The following SAXO5 variants were observed in gnomAD, a reference collection of about 807,000 sequenced individuals.
SAXO5 encodes the protein testis expressed 45.
At chr19:7,500,395 G>A in the SAXO5 span, among the ~76,000 whole-genome samples, 1 of 152,098 alleles carries the variant, frequency 6.6e-6, no homozygotes, top group Non-Finnish European at 1.5e-5. Flanking sequence ...TCTGCCTCCC[G>A]GGTTCAAGCG....
At chr19:7,497,829 A>T in the SAXO5 span, 3 of 152,102 alleles carry the variant, frequency 2.0e-5, no homozygotes, top group African/African-American at 4.8e-5. Flanking sequence ...TCAACTCTCA[A>T]CTATTGCAGG....
the SAXO5 span, among the ~76,000 whole-genome samples, chr19:7,507,864 A>G: frequency 6.6e-6 from 1 of 151,936 alleles, no homozygotes; most frequent in Admixed American, 6.6e-5. Flanking sequence ...CTCTGTCCCT[A>G]GGCGGCCCCA....
chr19:7,506,241 GGAGCCCCTCCCCAT>G, the SAXO5 span: 2 of 530,968 alleles, frequency 3.8e-6, no homozygotes, highest in African/African-American at 5.8e-5. Context: ...CCGCCCCCAT[GGAGCCCCTCCCCAT>G]GGAGCCCCGC....
At chr19:7,500,673 T>C in the SAXO5 span, 2 of 673,024 alleles carry the variant, frequency 3.0e-6, no homozygotes, top group Middle Eastern at 3.5e-4. Context: ...TTTCCCGTGA[T>C]GTCCCCAGCC....
the SAXO5 span, chr19:7,506,783 C>A: frequency 2.1e-6 from 1 of 472,302 alleles, no homozygotes; most frequent in East Asian, 4.0e-5. Flanking sequence ...TCTCTCCTCC[C>A]CTGGCTCCTT....
At chr19:7,502,011 A>G in the SAXO5 span, among the ~76,000 whole-genome samples, 5 of 151,856 alleles carry the variant, frequency 3.3e-5, no homozygotes, top group Non-Finnish European at 5.9e-5. Flanking sequence ...AGGCCTAGGC[A>G]GGAGGATGTC....
At chr19:7,499,138 C>G in the SAXO5 span, among the ~76,000 whole-genome samples, 1 of 151,794 alleles carries the variant, frequency 6.6e-6, no homozygotes, top group Non-Finnish European at 1.5e-5. Flanking sequence ...GTGGTGAAAC[C>G]CCGTCTCTAC....
the SAXO5 span, chr19:7,501,284 C>T: frequency 6.4e-7 from 1 of 1,573,790 alleles, no homozygotes; most frequent in African/African-American, 1.4e-5. Context: ...TCTTCGACCG[C>T]GACTCCCTGC....
the SAXO5 span, chr19:7,508,399 C>A: frequency 3.7e-6 from 6 of 1,612,616 alleles, no homozygotes. Context: ...GTCCCCCAGC[C>A]CCCTATGTAC....
the SAXO5 span, chr19:7,504,420 G>A: frequency 1.2e-6 from 2 of 1,606,080 alleles, no homozygotes; most frequent in Admixed American, 1.7e-5. Flanking sequence ...AGGTATAAAG[G>A]GGCCACTGCG....
chr19:7,506,224 G>T, the SAXO5 span: 21 of 1,133,526 alleles, frequency 1.9e-5, no homozygotes, highest in Middle Eastern at 3.3e-4. Flanking sequence ...CCCCACCCCC[G>T]AAAGCCCCGC....
chr19:7,506,130 A>T, the SAXO5 span: 2 of 1,611,882 alleles, frequency 1.2e-6, no homozygotes, highest in South Asian at 1.1e-5. Context: ...CCCAACCTCC[A>T]CTTGCAGCAA....
the SAXO5 span, among the ~76,000 whole-genome samples, chr19:7,507,654 A>G: frequency 3.9e-5 from 6 of 151,922 alleles, no homozygotes; most frequent in African/African-American, 1.2e-4. Context: ...GCTCAGGGGC[A>G]TCTTTGCACC....
the SAXO5 span, among the ~76,000 whole-genome samples, chr19:7,507,377 G>A: frequency 1.3e-5 from 2 of 152,162 alleles, no homozygotes; most frequent in East Asian, 3.8e-4. Flanking sequence ...GAAGTCAGGA[G>A]TTCGAGACCA....
At chr19:7,506,354 C>T in the SAXO5 span, 4 of 667,382 alleles carry the variant, frequency 6.0e-6, no homozygotes, top group East Asian at 8.4e-5. Flanking sequence ...CCCTCCCCTC[C>T]CCCGGCTTCA....
At chr19:7,504,732 G>A in the SAXO5 span, among the ~76,000 whole-genome samples, 3 of 151,920 alleles carry the variant, frequency 2.0e-5, no homozygotes, top group Non-Finnish European at 4.4e-5. Context: ...TGGGGGACGA[G>A]GGGGCACTGC....
chr19:7,502,540 G>A, the SAXO5 span, among the ~76,000 whole-genome samples: 2 of 152,100 alleles, frequency 1.3e-5, no homozygotes, highest in Non-Finnish European at 2.9e-5. Context: ...AGAAACCCTG[G>A]AACCACCTTG....
chr19:7,506,977 C>T, the SAXO5 span: 1 of 1,210,166 alleles, frequency 8.3e-7, no homozygotes, highest in South Asian at 1.2e-5. Flanking sequence ...CTCTTGAACC[C>T]TTCCCTTGAA....
At chr19:7,506,820 C>T in the SAXO5 span, 20 of 523,220 alleles carry the variant, frequency 3.8e-5, no homozygotes, top group Non-Finnish European at 4.8e-5. Flanking sequence ...CTCCCTCTTC[C>T]CCAGCGCCTA....
Sources: allele counts gnomAD v4.1 joint callset (sites outside exome capture counted in the v4.1 genomes callset), GRCh38; gene constraint gnomAD v4.1.1; transcripts MANE v1.5; gene names NCBI Gene and HGNC (gene_info 2026-07-23, HGNC 2026-07-21).